Variants in TENM3 observed in about 807,000 individuals in gnomAD.
TENM3 encodes the protein teneurin-3.
Under a neutral mutation model 255.1 loss-of-function variants are expected in TENM3, and 63 were observed. That is an observed-to-expected ratio of 0.25 (90% CI 0.20 to 0.30). The LOEUF (loss-of-function observed/expected upper bound fraction) is 0.30, where lower values mean the gene tolerates loss of function less well. Ranked by LOEUF, TENM3 falls within the 10% of genes least tolerant of loss-of-function variation. The pLI is 1.00. For missense variants in TENM3, 2,929 were observed against 3,461.1 expected (o/e 0.85, Z 3.86); for synonymous variants, 1,306 against 1,322.3 (o/e 0.99, Z 0.27).
the TENM3 span, among the ~76,000 whole-genome samples, chr4:181,457,628 A>AT: frequency 6.6e-6 from 1 of 151,788 alleles, no homozygotes; most frequent in Admixed American, 6.6e-5. Flanking sequence ...ATTTTCATTG[A>AT]TTTTTTTCCT....
intron 3 of TENM3, among the ~76,000 whole-genome samples, chr4:182,354,358 C>CT (rs1397810049): frequency 6.6e-6 from 1 of 152,102 alleles, no homozygotes; most frequent in African/African-American, 2.4e-5. Context: ...TGAAAAATCA[C>CT]AGTGGTAGCA....
chr4:182,548,994 A>G (rs141264369), intron 3 of TENM3, among the ~76,000 whole-genome samples: 3 of 152,314 alleles, frequency 2.0e-5, no homozygotes, highest in South Asian at 2.1e-4. Flanking sequence ...GAAAACAGAG[A>G]TGATGTGGTT....
chr4:182,465,575 T>C (rs914175428), intron 3 of TENM3, among the ~76,000 whole-genome samples: 2 of 152,182 alleles, frequency 1.3e-5, no homozygotes, highest in Non-Finnish European at 2.9e-5. Context: ...ATCTAAAATA[T>C]GGGGCAAATA....
At chr4:182,760,409 C>T (rs1227369620) in intron 22 of TENM3, among the ~76,000 whole-genome samples, 2 of 152,186 alleles carry the variant, frequency 1.3e-5, no homozygotes, top group Non-Finnish European at 2.9e-5. Flanking sequence ...TGGCATTTCA[C>T]AGTTCTCTGC....
At chr4:182,652,438 G>C (rs1237326244) in intron 5 of TENM3, among the ~76,000 whole-genome samples, 1 of 152,176 alleles carries the variant, frequency 6.6e-6, no homozygotes, top group Non-Finnish European at 1.5e-5. Flanking sequence ...GTCCAGCTTT[G>C]TGCCAGCTCT....
At chr4:181,802,008 A>T in the TENM3 span, among the ~76,000 whole-genome samples, 1 of 152,142 alleles carries the variant, frequency 6.6e-6, no homozygotes, top group Admixed American at 6.5e-5. Context: ...CTTAAAGAAG[A>T]TTCAGTTCAG....
the TENM3 span, among the ~76,000 whole-genome samples, chr4:181,585,843 A>G: frequency 6.6e-6 from 1 of 152,144 alleles, no homozygotes; most frequent in Non-Finnish European, 1.5e-5. Flanking sequence ...CTATTAATTT[A>G]AACAGGAGGG....
intron 12 of TENM3, among the ~76,000 whole-genome samples, chr4:182,708,616 G>A (rs922940324): frequency 1.3e-5 from 2 of 152,086 alleles, no homozygotes; most frequent in Middle Eastern, 3.2e-3. Context: ...TGGCTAACAC[G>A]GTGAAACCCC....
At chr4:181,610,606 G>C in the TENM3 span, among the ~76,000 whole-genome samples, 9 of 152,064 alleles carry the variant, frequency 5.9e-5, no homozygotes. Context: ...GTAGAAATGA[G>C]TGATGTGACA....
chr4:182,630,495 A>G (rs181624496), intron 5 of TENM3, among the ~76,000 whole-genome samples: 22 of 152,296 alleles, frequency 1.4e-4, no homozygotes, highest in Admixed American at 5.2e-4. Flanking sequence ...TGAACTGAAC[A>G]AGGAGAACAC....
At chr4:181,956,285 G>A in the TENM3 span, among the ~76,000 whole-genome samples, 1 of 152,138 alleles carries the variant, frequency 6.6e-6, no homozygotes, top group African/African-American at 2.4e-5. Flanking sequence ...ATTTTGAGGA[G>A]ACACAAATAT....
At chr4:181,730,266 A>G in the TENM3 span, among the ~76,000 whole-genome samples, 1 of 152,324 alleles carries the variant, frequency 6.6e-6, no homozygotes, top group Non-Finnish European at 1.5e-5. Flanking sequence ...CAAAAGGTGG[A>G]CTGTAAGCCA....
chr4:181,987,571 A>G, the TENM3 span, among the ~76,000 whole-genome samples: 2 of 152,082 alleles, frequency 1.3e-5, no homozygotes, highest in African/African-American at 2.4e-5. Flanking sequence ...CACTCTCTCA[A>G]TATGCGTAGA....
At chr4:182,493,324 C>A (rs551881645) in intron 3 of TENM3, among the ~76,000 whole-genome samples, 1 of 152,252 alleles carries the variant, frequency 6.6e-6, no homozygotes, top group African/African-American at 2.4e-5. Context: ...AGACAAGCTG[C>A]AATAAACTAG....
At chr4:181,577,912 T>C in the TENM3 span, among the ~76,000 whole-genome samples, 1 of 152,220 alleles carries the variant, frequency 6.6e-6, no homozygotes, top group African/African-American at 2.4e-5. Context: ...TTTTTCTCTT[T>C]TTCTACCCTC....
chr4:181,626,046 T>G, the TENM3 span, among the ~76,000 whole-genome samples: 101 of 152,246 alleles, frequency 6.6e-4, no homozygotes, highest in African/African-American at 2.3e-3. Flanking sequence ...TATGATGTCA[T>G]GTGATAGAGA....
chr4:182,721,566 A>G (rs1206937824), intron 13 of TENM3, among the ~76,000 whole-genome samples: 1 of 152,154 alleles, frequency 6.6e-6, no homozygotes, highest in African/African-American at 2.4e-5. Flanking sequence ...GTATCTGCAT[A>G]TGAATCTTTG....
intron 22 of TENM3, among the ~76,000 whole-genome samples, chr4:182,769,952 A>G (rs1479055444): frequency 6.6e-6 from 1 of 151,556 alleles, no homozygotes; most frequent in Non-Finnish European, 1.5e-5. Context: ...TAAAAAATAC[A>G]AAAATTACCT....
intron 3 of TENM3, among the ~76,000 whole-genome samples, chr4:182,590,346 G>T (rs1379364070): frequency 6.6e-6 from 1 of 151,324 alleles, no homozygotes; most frequent in East Asian, 2.0e-4. Flanking sequence ...TCATTAAAAA[G>T]GTTACAGAGG....
Sources: gnomAD v4.1 joint callset for allele counts (sites outside exome capture counted in the v4.1 genomes callset) on GRCh38, gnomAD v4.1.1 for gene constraint, MANE v1.5 for transcripts, NCBI Gene and HGNC (gene_info 2026-07-23, HGNC 2026-07-21) for gene names.